Variants in TCF7L2 observed in about 807,000 individuals in gnomAD.
TCF7L2 encodes transcription factor 7-like 2.
Under a neutral mutation model 77.9 loss-of-function variants are expected in TCF7L2, and 23 were observed. That is an observed-to-expected ratio of 0.30 (90% CI 0.21 to 0.42). The LOEUF is 0.42. TCF7L2 is among the 10% of genes least tolerant of loss of function. TCF7L2 has a pLI of 1.00. For synonymous variants in TCF7L2, 413 were observed against 340.2 expected (o/e 1.21, Z -2.36); for missense variants, 654 against 793.1 (o/e 0.82, Z 2.11).
intron 4 of TCF7L2, among the ~76,000 whole-genome samples, chr10:113,031,323 T>C (rs2050169350): frequency 6.6e-6 from 1 of 152,188 alleles, no homozygotes; most frequent in Admixed American, 6.5e-5. Flanking sequence ...GCCCTAGCAC[T>C]GATAGTTGAT....
intron 5 of TCF7L2, among the ~76,000 whole-genome samples, chr10:113,090,979 G>A (rs924966209): frequency 6.6e-6 from 1 of 151,270 alleles, no homozygotes; most frequent in African/African-American, 2.4e-5. Context: ...TTGGCTCACT[G>A]TGACCTCCGC....
intron 5 of TCF7L2, among the ~76,000 whole-genome samples, chr10:113,089,196 G>C (rs2135606887): frequency 6.6e-6 from 1 of 152,284 alleles, no homozygotes; most frequent in Non-Finnish European, 1.5e-5. Context: ...TTGCATTTCA[G>C]ATGTTCCTAG....
chr10:113,020,372 C>T (rs965194024), intron 4 of TCF7L2, among the ~76,000 whole-genome samples: 6 of 152,148 alleles, frequency 3.9e-5, no homozygotes, highest in African/African-American at 9.7e-5. Flanking sequence ...CTCCTCACCC[C>T]GTGTGTCTGG....
intron 4 of TCF7L2, among the ~76,000 whole-genome samples, chr10:112,999,071 C>T (rs896540879): frequency 2.6e-5 from 4 of 152,214 alleles, no homozygotes; most frequent in African/African-American, 9.7e-5. Context: ...GGCTGGAGTG[C>T]AGTGGCACAA....
intron 4 of TCF7L2, among the ~76,000 whole-genome samples, chr10:112,984,453 C>G (rs2041105601): frequency 6.6e-6 from 1 of 152,144 alleles, no homozygotes; most frequent in Non-Finnish European, 1.5e-5. Context: ...AGAGCAGTGC[C>G]TTACCTCTTT....
chr10:113,142,845 C>T (rs1217110261), intron 6 of TCF7L2, among the ~76,000 whole-genome samples: 2 of 152,178 alleles, frequency 1.3e-5, no homozygotes, highest in East Asian at 1.9e-4. Context: ...TTTTCCTCTG[C>T]GAACATTCTT....
At chr10:113,076,078 G>T (rs1423831972) in intron 5 of TCF7L2, among the ~76,000 whole-genome samples, 1 of 147,562 alleles carries the variant, frequency 6.8e-6, no homozygotes, top group Non-Finnish European at 1.5e-5. Context: ...GAAGGTTGTA[G>T]TGAGCCGAAA....
In TCF7L2 at chr10:113,018,480, ACT is replaced by A. The variant is rs532003548; in HGVS notation, c.451-21542_451-21541del. 2.0e-4 allele frequency among the ~76,000 whole-genome samples: 25 copies of A among 124,208 alleles called. No individual in the cohort carries two copies. The South Asian group carries it at 3.6e-3, about 18-fold the overall frequency. The allele number at this position is 124,208 out of a possible 152,430, so 81.5% of individuals were successfully genotyped here. On this transcript the variant is annotated intron_variant, in intron 4 of 13. Coordinates refer to ENST00000627217, the MANE Select transcript of TCF7L2 (RefSeq NM_001146274.2). ...TTTTTTTTTTTTTTTAAAGACAGAG[ACT>A]CTGTTGCCAGATTGGAGTGCAGTGA... is the stretch of plus-strand genomic sequence containing the variant.
chr10:113,000,273 G>C (rs2044242690), intron 4 of TCF7L2, among the ~76,000 whole-genome samples: 1 of 152,136 alleles, frequency 6.6e-6, no homozygotes, highest in African/African-American at 2.4e-5. Flanking sequence ...AGCTGTGATA[G>C]AGAGGGAACA....
intron 4 of TCF7L2, among the ~76,000 whole-genome samples, chr10:113,029,318 T>C (rs7077039): frequency 0.52 from 78,419 of 151,948 alleles, 22,581 homozygotes; most frequent in African/African-American, 0.76. Context: ...TCCTCTCTTA[T>C]CTTTCACAAG....
rs868401396 is a variant in TCF7L2, at chr10:113,031,687, C to T, written c.451-8338C>T. 2.0e-5 allele frequency among the ~76,000 whole-genome samples: 3 copies of T among 152,060 alleles called. No individual in the cohort carries two copies. The South Asian group carries it at 6.2e-4, about 32-fold the overall frequency. ...ATTTTTTGGAGAGATGGGGTCTCAC[C>T]ATGTTGGCCAGGCTGGTCTCGAACT... On this transcript the variant is annotated intron_variant, in intron 4 of 13. Transcript: ENST00000627217.
Position 113,093,420 on chromosome 10 carries a change from AG to A in TCF7L2, c.553-47761del, listed in dbSNP as rs373099796. Reference sequence around the variant, plus strand: ...GATACCAACCATCTTCCACTTGTTCAGGGAGAAGGTGTTTGATCCTTTTCTT... The same window carrying A: ...GATACCAACCATCTTCCACTTGTTCAGGAGAAGGTGTTTGATCCTTTTCTT... On this transcript the variant is annotated intron_variant, in intron 5 of 13. Transcript: ENST00000627217. Among the ~76,000 whole-genome samples the A allele has an allele frequency of 3.1e-3, 470 of 152,328 alleles. 3 individuals are homozygous for A. The highest frequency in any genetic ancestry group is 5.1e-3 in the Non-Finnish European group (347 of 68,022).
rs576926556 is a variant in TCF7L2 at position 113,068,366 on chromosome 10, G to A, written c.552+28240G>A. 3.9e-5 allele frequency among the ~76,000 whole-genome samples: 6 copies of A among 152,358 alleles called. No homozygotes were observed. In the South Asian group the frequency reaches 1.2e-3, roughly 32 times the overall value. ...ACACTTTGTTAGTGACATTTAGCCA[G>A]TGATTGGCCCATCCAAAAGGCGGTT... On this transcript the variant is annotated intron_variant, in intron 5 of 13. Coordinates refer to ENST00000627217, the MANE Select transcript of TCF7L2 (RefSeq NM_001146274.2).
chr10:113,085,946 G>A (rs1230176742), intron 5 of TCF7L2, among the ~76,000 whole-genome samples: 6 of 152,242 alleles, frequency 3.9e-5, no homozygotes, highest in Non-Finnish European at 8.8e-5. Context: ...ATAGCTCAGT[G>A]CTGCCAGTGG....
intron 6 of TCF7L2, 120 bp from the exon 7 acceptor site, chr10:113,143,803 C>T: frequency 3.0e-6 from 2 of 676,136 alleles, no homozygotes; most frequent in Non-Finnish European, 5.0e-6. Flanking sequence ...CATGAATGAA[C>T]CTTGTGCTAG....
intron 4 of TCF7L2, among the ~76,000 whole-genome samples, chr10:112,980,862 G>C (rs1408681803): frequency 6.6e-6 from 1 of 152,098 alleles, no homozygotes; most frequent in Non-Finnish European, 1.5e-5. Flanking sequence ...TCTTGACCTC[G>C]TGATCCGCCC....
At chr10:113,081,190 T>C (rs2135452691) in intron 5 of TCF7L2, among the ~76,000 whole-genome samples, 1 of 152,322 alleles carries the variant, frequency 6.6e-6, no homozygotes, top group Non-Finnish European at 1.5e-5. Context: ...TTGTAAGAGA[T>C]ATGTTGGCTT....
chr10:113,085,787 C>T (rs555945226), intron 5 of TCF7L2, among the ~76,000 whole-genome samples: 1 of 152,228 alleles, frequency 6.6e-6, no homozygotes, highest in Admixed American at 6.5e-5. Flanking sequence ...ACTTCACTTT[C>T]CGCAGGAGAA....
Position 112,966,209 on chromosome 10 carries a change from T to TATATATATATATATATATATATATA in TCF7L2, c.450+1587_450+1588insATATATATATATATATATATATAAT, listed in dbSNP as rs1305413204. Among the ~76,000 whole-genome samples the TATATATATATATATATATATATATA allele has an allele frequency of 4.4e-4, 58 of 131,440 alleles. 1 individual carries two copies. The highest frequency in any genetic ancestry group is 1.1e-3 in the Admixed American group (15 of 13,622). The allele number at this position is 131,440 out of a possible 152,430, so 86.2% of individuals were successfully genotyped here. On this transcript the variant is annotated intron_variant, in intron 4 of 13. Transcript: ENST00000627217. ...TTATATATATATATATATATATATA[T>TATATATATATATATATATATATATA]ATTTTCTTTTCTTGATTACTTCTGC...
Sources: allele counts gnomAD v4.1 joint callset (sites outside exome capture counted in the v4.1 genomes callset), GRCh38; gene constraint gnomAD v4.1.1; transcripts MANE v1.5; gene names NCBI Gene and HGNC (gene_info 2026-07-23, HGNC 2026-07-21).